The following DYNC1H1 variants were observed in gnomAD, a reference collection of about 807,000 sequenced individuals.
The protein encoded by DYNC1H1 is cytoplasmic dynein 1 heavy chain 1.
Under a neutral mutation model 527.1 loss-of-function variants are expected in DYNC1H1, and 51 were observed. The ratio of observed to expected loss-of-function variants is 0.10; its 90% CI spans 0.08 to 0.12. The LOEUF is 0.12. Ranked by LOEUF, DYNC1H1 falls within the 10% of genes least tolerant of loss-of-function variation. The pLI is 1.00. For synonymous variants in DYNC1H1, 2,189 were observed against 2,278.8 expected, an observed-to-expected ratio of 0.96 and a Z score of 1.12; for missense variants, 2,771 against 5,971.8, an observed-to-expected ratio of 0.46 and a Z score of 17.66.
chr14:101,983,911 A>G lies in DYNC1H1; in HGVS notation c.1461+302A>G, dbSNP rs1444579135. On this transcript the variant is annotated intron_variant, in intron 7 of 77. Coordinates refer to ENST00000360184, the MANE Select transcript of DYNC1H1 (RefSeq NM_001376.5). The surrounding 1 kb of genome is among the most constrained non-coding windows in gnomAD (Gnocchi z 5.3). ...CCAGGCTGGTTTTGAACTGGCCTTCAAGTGTTCCACCTGCCTCGGCCTCCC... is the reference window on the plus strand; with the variant it reads ...CCAGGCTGGTTTTGAACTGGCCTTCGAGTGTTCCACCTGCCTCGGCCTCCC... 6.6e-6 allele frequency among the ~76,000 whole-genome samples: 1 copy of G among 152,062 alleles called. No individual in the cohort carries two copies. The highest frequency in any genetic ancestry group is 1.5e-5 in the Non-Finnish European group (1 of 67,996).
chr14:101,979,907 T>C lies in DYNC1H1; in HGVS notation c.707T>C (p.Val236Ala), dbSNP rs995994279. Reference sequence around the variant, plus strand: ...AAAGTTACAGACTTTGGTGATAAGGTTGAAGACCCAACATTTCTTAATCAG... The same window carrying C: ...AAAGTTACAGACTTTGGTGATAAGGCTGAAGACCCAACATTTCTTAATCAG... ...KPKVTDFGDK[V>A]EDPTFLNQLQ... Residue 236 changes from valine (V) to alanine (A), a missense_variant, in exon 4 of 78, where the codon GTT (valine) becomes GCT (alanine). Coordinates refer to ENST00000360184, the MANE Select transcript of DYNC1H1 (RefSeq NM_001376.5). The surrounding 1 kb of genome is among the most constrained non-coding windows in gnomAD (Gnocchi z 4.6). The C allele has an allele frequency of 6.2e-7, 1 of 1,614,100 alleles. No homozygotes were observed. The highest frequency in any genetic ancestry group is 8.5e-7 in the Non-Finnish European group (1 of 1,180,052).
intron 51 of DYNC1H1, 62 bp from the exon 52 acceptor site, chr14:102,032,210 C>A (rs2048517427): frequency 3.7e-6 from 6 of 1,606,322 alleles, no homozygotes; most frequent in Non-Finnish European, 4.3e-6. Flanking sequence ...GGTTCATTCT[C>A]ACCATGCTTT....
At position 101,997,044 on chromosome 14, in the gene DYNC1H1, A is replaced by C. The variant is rs1265590172; in HGVS notation, c.3574A>C (p.Asn1192His). 1 of 1,614,138 alleles carries C rather than the reference A, an allele frequency of 6.2e-7. No homozygotes were observed. Among genetic ancestry groups the C allele is most frequent in the Admixed American group, 1.7e-5 (1 of 60,002 alleles). ...QFEKQVELYR[N>H]GQRLLEKQRF... Reference sequence around the variant, plus strand: ...TTTTTAACTCTCAAAGCTCTACCGCAATGGCCAGCGCTTACTGGAAAAGCA... The same window carrying C: ...TTTTTAACTCTCAAAGCTCTACCGCCATGGCCAGCGCTTACTGGAAAAGCA... Residue 1192 changes from asparagine (N) to histidine (H), a missense_variant, in exon 16 of 78, where the codon AAT becomes CAT. By Grantham distance (68) the Asn-to-His change is moderately conservative (BLOSUM62 1). Coordinates refer to ENST00000360184, the MANE Select transcript of DYNC1H1 (RefSeq NM_001376.5). This position sits in a 1 kb window ranked among gnomAD's most constrained non-coding sequence, Gnocchi z 4.8.
chr14:102,027,600 G>T lies in DYNC1H1; in HGVS notation c.9049-19G>T, dbSNP rs369055747. The T allele has an allele frequency of 2.5e-6, 4 of 1,614,076 alleles. No homozygotes were observed. In the African/African-American group the frequency reaches 5.3e-5, roughly 22 times the overall value. ...GTGTTACCGGGGGACCAGTAAGTCA[G>T]CACTGTGCTGTTTCCCAGGTGCCTG... is the stretch of plus-strand genomic sequence containing the variant. On this transcript the variant is annotated intron_variant, in intron 46 of 77. Coordinates refer to ENST00000360184, the MANE Select transcript of DYNC1H1 (RefSeq NM_001376.5). This position sits in a 1 kb window ranked among gnomAD's most constrained non-coding sequence, Gnocchi z 7.7.
rs369914512 is a variant in DYNC1H1 at position 101,997,218 on chromosome 14, G to T, written c.3748G>T (p.Val1250Leu). ...GAAGATTGTCCAGGAGGATCGGGCC[G>T]TGGAAAGCCGCACCACCGACCTGCT... ...QMKIVQEDRA[V>L]ESRTTDLLTD... Residue 1250 changes from valine to leucine, a missense_variant, in exon 16 of 78, where the codon GTG becomes TTG. Val to Leu is a conservative substitution (Grantham distance 32). Coordinates refer to ENST00000360184, the MANE Select transcript of DYNC1H1 (RefSeq NM_001376.5). This position sits in a 1 kb window ranked among gnomAD's most constrained non-coding sequence, Gnocchi z 4.8. 8.1e-6 allele frequency: 13 copies of T among 1,613,934 alleles called. No homozygotes were observed. The highest frequency in any genetic ancestry group is 1.1e-5 in the Non-Finnish European group (13 of 1,180,000).
intron 43 of DYNC1H1, chr14:102,023,432 C>T: frequency 9.4e-6 from 2 of 213,522 alleles, no homozygotes; most frequent in South Asian, 7.3e-5. Context: ...GTCTGTAATC[C>T]CAGCTATTTA....
Position 102,016,231 on chromosome 14 carries a change from G to A in DYNC1H1, c.7474-118G>A. The A allele has an allele frequency of 2.0e-6, 3 of 1,508,636 alleles. No individual in the cohort carries two copies. The highest frequency in any genetic ancestry group is 1.8e-4 in the Middle Eastern group (1 of 5,422). The allele number at this position is 1,508,636 out of a possible 1,614,324, so 93.5% of individuals were successfully genotyped here. A position where few individuals can be genotyped will look rare whatever the true frequency, so the allele number is the denominator to read the frequency against. On this transcript the variant is annotated intron_variant, in intron 36 of 77. Transcript: ENST00000360184. The surrounding 1 kb of genome is among the most constrained non-coding windows in gnomAD (Gnocchi z 7.3). ...GTTGAGGGGCTAGGAAAGGTGCAGT[G>A]GGTGTCTGTGATGCAAGAAGACTGG... is the stretch of plus-strand genomic sequence containing the variant.
In DYNC1H1 at chr14:101,985,568, C is replaced by T. The variant is rs984956831; in HGVS notation, c.1462-119C>T. ...CTCGAACTCCTGACCTCATGATCCG[C>T]CTGCCTTGGCCTCCCAAAGTGCTGG... On this transcript the variant is annotated intron_variant, in intron 7 of 77. Coordinates refer to ENST00000360184, the MANE Select transcript of DYNC1H1 (RefSeq NM_001376.5). This position sits in a 1 kb window ranked among gnomAD's most constrained non-coding sequence, Gnocchi z 5.9. 1.0e-5 allele frequency: 11 copies of T among 1,068,430 alleles called. No individual in the cohort carries two copies. Among genetic ancestry groups the T allele is most frequent in the Non-Finnish European group, 1.3e-5 (9 of 708,770 alleles). The allele number at this position is 1,068,430 out of a possible 1,614,324, so 66.2% of individuals were successfully genotyped here.
chr14:101,994,138 A>G (rs1313452503), intron 11 of DYNC1H1, 46 bp from the exon 12 acceptor site: 3 of 1,613,982 alleles, frequency 1.9e-6, no homozygotes, highest in East Asian at 4.5e-5. Context: ...TTAGATTACC[A>G]TTTTCATATA....
At chr14:102,048,441 GT>G in intron 73 of DYNC1H1, 74 bp from the exon 74 acceptor site, 3 of 1,602,936 alleles carry the variant, frequency 1.9e-6, no homozygotes, top group Non-Finnish European at 2.6e-6. Context: ...CGGAGGCCGA[GT>G]TACTTCTGTT....
chr14:102,045,536 G>A (rs933430437), intron 72 of DYNC1H1, among the ~76,000 whole-genome samples: 6 of 152,132 alleles, frequency 3.9e-5, no homozygotes, highest in Admixed American at 6.5e-5. Flanking sequence ...TCTTGAACCC[G>A]GGAGGCAGAG....
chr14:102,020,072 G>A lies in DYNC1H1; in HGVS notation c.8507+16G>A. On this transcript the variant is annotated intron_variant, in intron 42 of 77. Transcript: ENST00000360184. The surrounding 1 kb of genome is among the most constrained non-coding windows in gnomAD (Gnocchi z 4.3). ...TCCAAGATAGGTAAGGGAAGCCGAG[G>A]ATCCAGTTGGTCCCATTCTCCCCTG... 1 of 1,613,630 alleles carries A rather than the reference G, an allele frequency of 6.2e-7. No individual in the cohort carries two copies. The highest frequency in any genetic ancestry group is 1.1e-5 in the South Asian group (1 of 91,030).
intron 5 of DYNC1H1, among the ~76,000 whole-genome samples, chr14:101,981,620 A>G (rs2047865294): frequency 6.6e-6 from 1 of 152,230 alleles, no homozygotes; most frequent in Non-Finnish European, 1.5e-5. Flanking sequence ...CAAAAAACGT[A>G]TGGTACCCAC....
rs17512649 is a variant in DYNC1H1, at chr14:102,029,424, C to G, written c.9469-115C>G. 2 of 1,413,522 alleles carry G rather than the reference C, an allele frequency of 1.4e-6. No individual in the cohort carries two copies. Among genetic ancestry groups the G allele is most frequent in the Non-Finnish European group, 2.0e-6 (2 of 1,020,398 alleles). 87.6% of individuals were successfully genotyped at this position (1,413,522 alleles called of 1,614,324 possible). On this transcript the variant is annotated intron_variant, in intron 48 of 77. Coordinates refer to ENST00000360184, the MANE Select transcript of DYNC1H1 (RefSeq NM_001376.5). The surrounding 1 kb of genome is among the most constrained non-coding windows in gnomAD (Gnocchi z 5.3). ...AGGCCCGACTCGAGTGTTCTGGCCC[C>G]GAGGGCCAGGCTCCTTCTATCATGT...
intron 56 of DYNC1H1, chr14:102,035,847 G>A (rs915038702): frequency 6.5e-6 from 1 of 152,868 alleles, no homozygotes; most frequent in Non-Finnish European, 1.5e-5. Flanking sequence ...AATAGGGTCA[G>A]AAAGGCAGGG....
intron 15 of DYNC1H1, among the ~76,000 whole-genome samples, chr14:101,995,627 A>T (rs2141281466): frequency 6.6e-6 from 1 of 151,550 alleles, no homozygotes; most frequent in South Asian, 2.1e-4. Flanking sequence ...AAAAAAAAAA[A>T]TTACACTAGA....
At chr14:101,970,295 G>T (rs2047716967) in intron 1 of DYNC1H1, among the ~76,000 whole-genome samples, 1 of 151,918 alleles carries the variant, frequency 6.6e-6, no homozygotes, top group Admixed American at 6.6e-5. Context: ...GGGAGTGGTT[G>T]TGGGAAAGAA....
rs974752270 is a variant in DYNC1H1, at chr14:102,042,902, C to T, written c.12513+154C>T. 5.8e-6 allele frequency: 5 copies of T among 858,878 alleles called. No homozygotes were observed. The African/African-American group carries it at 6.7e-5, about 11-fold the overall frequency. The allele number at this position is 858,878 out of a possible 1,614,324, so 53.2% of individuals were successfully genotyped here. The stretch of plus-strand genomic sequence containing the variant: ...TTCAGCTGTAGGTAAAATTTCCTTC[C>T]ATGGCCGGGCACCGTGGCTCACACT... On this transcript the variant is annotated intron_variant, in intron 69 of 77. Coordinates refer to ENST00000360184, the MANE Select transcript of DYNC1H1 (RefSeq NM_001376.5). This position sits in a 1 kb window ranked among gnomAD's most constrained non-coding sequence, Gnocchi z 5.7.
Position 102,042,275 on chromosome 14 carries a change from G to C in DYNC1H1, c.12262G>C (p.Val4088Leu). The C allele has an allele frequency of 6.2e-7, 1 of 1,614,088 alleles. No individual in the cohort carries two copies. The highest frequency in any genetic ancestry group is 8.5e-7 in the Non-Finnish European group (1 of 1,180,022). ...AGCAGATAAGGCAATAAACACCGCT[G>C]TAAAGTCGGGCAGGTAGGCCTGTTC... The part of the protein sequence containing the change: ...NQADKAINTA[V>L]KSGRWVMLKN... The change falls in exon 67 of 78, where the codon GTA becomes CTA. Residue 4088 changes from valine to leucine, a missense_variant. Val to Leu is a conservative substitution (Grantham distance 32). Around this residue, in one of 32 missense-constraint regions of DYNC1H1, gnomAD observed 195 missense variants for 428.6 expected, o/e 0.45. Transcript: ENST00000360184. This position sits in a 1 kb window ranked among gnomAD's most constrained non-coding sequence, Gnocchi z 5.7.
Sources: gnomAD v4.1 joint callset for allele counts (sites outside exome capture counted in the v4.1 genomes callset) on GRCh38, gnomAD v4.1.1 for gene constraint, gnomAD v4.1.1 regional missense constraint, Gnocchi (gnomAD v3.1) non-coding constraint, MANE v1.5 for transcripts, NCBI Gene and HGNC (gene_info 2026-07-23, HGNC 2026-07-21) for gene names.